The following GNB2 variants were observed in gnomAD, a reference collection of about 807,000 sequenced individuals.
The protein encoded by GNB2 is G protein subunit beta 2.
Under a neutral mutation model 40.7 loss-of-function variants are expected in GNB2, and 7 were observed. The ratio of observed to expected loss-of-function variants is 0.17; its 90% confidence interval spans 0.10 to 0.32. The LOEUF (loss-of-function observed/expected upper bound fraction) is 0.32, where lower values mean the gene tolerates loss of function less well. GNB2 is among the 10% of genes least tolerant of loss of function. GNB2 has a pLI of 1.00. For synonymous variants in GNB2, 254 were observed against 191.2 expected (o/e 1.33, Z -2.71); for missense variants, 286 against 473.0 (o/e 0.60, Z 3.67).
In GNB2 at chr7:100,673,844, GC is replaced by G. The variant is rs1804294061; in HGVS notation, c.-167del. On this transcript the variant is annotated 5_prime_UTR_variant, in exon 1 of 10. Transcript: ENST00000303210. ...CGCCGCCGCCGCCGCCGCCGCCGCC[GC>G]CGCCGCCTCCGCCGCGGAGGAAGAC... is the stretch of plus-strand genomic sequence containing the variant. 5.3e-6 allele frequency: 1 copy of G among 190,292 alleles called. No homozygotes were observed. The highest frequency in any genetic ancestry group is 1.0e-5 in the Non-Finnish European group (1 of 97,514). The allele number at this position is 190,292 out of a possible 1,614,324, so 11.8% of individuals were successfully genotyped here. A position where few individuals can be genotyped will look rare whatever the true frequency, so the allele number is the denominator to read the frequency against.
rs1045989028 is a variant in GNB2 at position 100,677,218 on chromosome 7, A to G, written c.204-134A>G. The stretch of plus-strand genomic sequence containing the variant: ...CTTGAGCCTAGGAGTTCCAGGCTGC[A>G]GTGAGCTGTGATGGTGCCACTGCAC... On this transcript the variant is annotated intron_variant, in intron 4 of 9. Coordinates refer to ENST00000303210, the MANE Select transcript of GNB2 (RefSeq NM_005273.4). 4 of 682,252 alleles carry G rather than the reference A, an allele frequency of 5.9e-6. No homozygotes were observed. In the African/African-American group the frequency reaches 7.1e-5, roughly 12 times the overall value. 42.3% of individuals were successfully genotyped at this position (682,252 alleles called of 1,614,324 possible).
chr7:100,676,888 C>G, intron 4 of GNB2, 89 bp downstream of exon 4: 2 of 727,506 alleles, frequency 2.7e-6, no homozygotes, highest in Non-Finnish European at 2.3e-6. Context: ...AAGCAGGCCA[C>G]CAAAATACCC....
In GNB2 at chr7:100,678,092, C is replaced by T. The variant is rs1188332517; in HGVS notation, c.498-6C>T. 2 of 1,607,422 alleles carry T rather than the reference C, an allele frequency of 1.2e-6. No individual in the cohort carries two copies. Among genetic ancestry groups the T allele is most frequent in the African/African-American group, 1.3e-5 (1 of 74,920 alleles). On this transcript the variant is annotated splice_region_variant and splice_polypyrimidine_tract_variant and intron_variant, in intron 7 of 9. Coordinates refer to ENST00000303210, the MANE Select transcript of GNB2 (RefSeq NM_005273.4). ...TATCTTTTCTTTCTTCCTGTCACCTCTCCAGTGCCCTGTGGGACATTGAGA... is the reference window on the plus strand; with the variant it reads ...TATCTTTTCTTTCTTCCTGTCACCTTTCCAGTGCCCTGTGGGACATTGAGA...
chr7:100,676,296 G>A lies in GNB2; in HGVS notation c.31G>A (p.Ala11Thr). Reference protein sequence around the residue: MSELEQLRQEAEQLRNQIRDA... With the variant: MSELEQLRQETEQLRNQIRDA... Reference sequence around the variant, plus strand: ...TGAGCTGGAGCAACTGAGACAGGAGGCCGAGCAGCTCCGGAACCAGATCCG... The same window carrying A: ...TGAGCTGGAGCAACTGAGACAGGAGACCGAGCAGCTCCGGAACCAGATCCG... The change falls in exon 2 of 10, where the codon GCC (alanine) becomes ACC (threonine). Residue 11 changes from alanine (A) to threonine (T), a missense_variant. Coordinates refer to ENST00000303210, the MANE Select transcript of GNB2 (RefSeq NM_005273.4). 6.2e-7 allele frequency: 1 copy of A among 1,608,462 alleles called. No individual in the cohort carries two copies. The highest frequency in any genetic ancestry group is 1.3e-5 in the African/African-American group (1 of 74,988).
In GNB2 at chr7:100,673,800, T is replaced by G. The variant is rs1461112621; in HGVS notation, c.-213T>G. The stretch of plus-strand genomic sequence containing the variant: ...GCGCTGGCGGCGGGGCTGGGGCCAC[T>G]GAGGAAATCCATCCGCGCCGCCGCC... On this transcript the variant is annotated 5_prime_UTR_variant, in exon 1 of 10. Transcript: ENST00000303210. 5.6e-6 allele frequency: 1 copy of G among 180,012 alleles called. No homozygotes were observed. Among genetic ancestry groups the G allele is most frequent in the African/African-American group, 2.5e-5 (1 of 39,876 alleles). The allele number at this position is 180,012 out of a possible 1,614,324, so 11.2% of individuals were successfully genotyped here.
rs1266523553 is a variant in GNB2, at chr7:100,678,943, G to T, written c.*142G>T. 4 of 653,350 alleles carry T rather than the reference G, an allele frequency of 6.1e-6. No individual in the cohort carries two copies. The highest frequency in any genetic ancestry group is 5.5e-5 in the African/African-American group (3 of 54,798). 40.5% of individuals were successfully genotyped at this position (653,350 alleles called of 1,614,324 possible). A position where few individuals can be genotyped will look rare whatever the true frequency, so the allele number is the denominator to read the frequency against. ...GTCCCTGCCCTCCCACCCAGGTTTG[G>T]TTCCTCCCGGGGCCCCCACTGTGGA... On this transcript the variant is annotated 3_prime_UTR_variant, in exon 10 of 10. Transcript: ENST00000303210.
intron 1 of GNB2, chr7:100,675,962 C>A: frequency 2.4e-6 from 1 of 412,832 alleles, no homozygotes. Context: ...CTTGCACTTC[C>A]CGCTCCGTTT....
rs377403123 is a variant in GNB2 at position 100,678,688 on chromosome 7, T to C, written c.917-7T>C. The C allele has an allele frequency of 3.7e-6, 6 of 1,612,388 alleles. No individual in the cohort carries two copies. In the African/African-American group the frequency reaches 6.7e-5, roughly 18 times the overall value. ...CCAATGGGTTCTGACTTCTCTCTTCTTCACAGGAGTCCTCGCTGGCCACGA... is the reference window on the plus strand; with the variant it reads ...CCAATGGGTTCTGACTTCTCTCTTCCTCACAGGAGTCCTCGCTGGCCACGA... On this transcript the variant is annotated splice_polypyrimidine_tract_variant and splice_region_variant and intron_variant, in intron 9 of 9. Coordinates refer to ENST00000303210, the MANE Select transcript of GNB2 (RefSeq NM_005273.4).
Position 100,676,697 on chromosome 7 carries a change from C to A in GNB2, c.101C>A (p.Thr34Lys). The A allele has an allele frequency of 6.2e-7, 1 of 1,609,210 alleles. No individual in the cohort carries two copies. Among genetic ancestry groups the A allele is most frequent in the Non-Finnish European group, 8.5e-7 (1 of 1,175,948 alleles). Reference protein sequence around the residue: ...ACGDSTLTQITAGLDPVGRIQ... With the variant: ...ACGDSTLTQIKAGLDPVGRIQ... ...GCATTCTGTCTCTACCTCCAGATCA[C>A]AGCTGGGCTGGACCCAGTGGGGAGA... Residue 34 changes from threonine (T) to lysine (K), a missense_variant, in exon 4 of 10, where the codon ACA becomes AAA. Transcript: ENST00000303210.
chr7:100,676,728 G>A lies in GNB2; in HGVS notation c.132G>A (p.Gln44=), dbSNP rs1480738324. 10 of 1,611,520 alleles carry A rather than the reference G, an allele frequency of 6.2e-6. No individual in the cohort carries two copies. The highest frequency in any genetic ancestry group is 7.6e-6 in the Non-Finnish European group (9 of 1,178,916). The change falls in exon 4 of 10, where the codon CAG becomes CAA. Residue 44 remains glutamine (Q), a synonymous_variant. Transcript: ENST00000303210. ...TAGLDPVGRI[Q]MRTRRTLRGH... ...GGCTGGACCCAGTGGGGAGAATCCA[G>A]ATGAGGACCCGGAGGACCCTCCGTG... is the stretch of plus-strand genomic sequence containing the variant.
chr7:100,675,968 C>G, intron 1 of GNB2: 1 of 421,838 alleles, frequency 2.4e-6, no homozygotes, highest in Non-Finnish European at 4.2e-6. Context: ...CTTCCCGCTC[C>G]GTTTCCGGGG....
chr7:100,677,639 C>T lies in GNB2; in HGVS notation c.409C>T (p.Arg137Trp), dbSNP rs1401264432. 5 of 1,613,314 alleles carry T rather than the reference C, an allele frequency of 3.1e-6. No individual in the cohort carries two copies. The highest frequency in any genetic ancestry group is 4.2e-6 in the Non-Finnish European group (5 of 1,180,006). ...KTREGNVRVS[R>W]ELPGHTGYLS... ...CCGCGAGGGCAACGTCAGGGTCAGC[C>T]GGGAGCTGCCTGGCCACACTGGTGA... The change falls in exon 6 of 10, where the codon CGG (arginine) becomes TGG (tryptophan). Residue 137 changes from arginine to tryptophan, a missense_variant. Coordinates refer to ENST00000303210, the MANE Select transcript of GNB2 (RefSeq NM_005273.4).
chr7:100,676,906 G>C, intron 4 of GNB2, 107 bp downstream of exon 4: 1 of 670,812 alleles, frequency 1.5e-6, no homozygotes, highest in South Asian at 1.8e-5. Context: ...CCCAGCGTAC[G>C]TCTGGAAAAA....
chr7:100,676,081 T>C, intron 1 of GNB2, 96 bp from the exon 2 acceptor site: 2 of 480,812 alleles, frequency 4.2e-6, no homozygotes, highest in South Asian at 3.0e-5. Context: ...CCCTTCCCCC[T>C]CCCCTTGCTT....
chr7:100,676,611 G>GA, intron 3 of GNB2, 38 bp downstream of exon 3: 1 of 1,584,560 alleles, frequency 6.3e-7, no homozygotes, highest in Non-Finnish European at 8.7e-7. Context: ...ACTAGGGGTT[G>GA]AAGGGGCAAG....
chr7:100,676,896 C>A, intron 4 of GNB2, 97 bp downstream of exon 4: 1 of 698,370 alleles, frequency 1.4e-6, no homozygotes, highest in Non-Finnish European at 2.5e-6. Context: ...CACCAAAATA[C>A]CCAGCGTACG....
In GNB2 at chr7:100,676,738, C is replaced by T. The variant is rs1446170671; in HGVS notation, c.142C>T (p.Arg48Trp). The part of the protein sequence containing the change: ...DPVGRIQMRT[R>W]RTLRGHLAKI... Reference sequence around the variant, plus strand: ...AGTGGGGAGAATCCAGATGAGGACCCGGAGGACCCTCCGTGGGCACCTGGC... The same window carrying T: ...AGTGGGGAGAATCCAGATGAGGACCTGGAGGACCCTCCGTGGGCACCTGGC... The change falls in exon 4 of 10, where the codon CGG becomes TGG. Residue 48 changes from arginine (R) to tryptophan (W), a missense_variant. Arg to Trp is a moderately radical substitution (Grantham distance 101, BLOSUM62 -3). Transcript: ENST00000303210. 2 of 1,609,826 alleles carry T rather than the reference C, an allele frequency of 1.2e-6. No individual in the cohort carries two copies. The highest frequency in any genetic ancestry group is 1.7e-6 in the Non-Finnish European group (2 of 1,178,182).
At position 100,673,896 on chromosome 7, in the gene GNB2, C is replaced by G. The variant is rs1011348022; in HGVS notation, c.-117C>G. ...AGCGCCGCCCGCGCACCGCCAGCGA[C>G]CTCCGCCGCAGAGTCCCACCGCCAC... is the stretch of plus-strand genomic sequence containing the variant. On this transcript the variant is annotated 5_prime_UTR_variant, in exon 1 of 10. Transcript: ENST00000303210. 2.0e-4 allele frequency: 36 copies of G among 179,994 alleles called. No individual in the cohort carries two copies. The East Asian group carries it at 4.0e-3, about 20-fold the overall frequency. 11.1% of individuals were successfully genotyped at this position (179,994 alleles called of 1,614,324 possible).
chr7:100,677,702 G>C (rs749349431), intron 6 of GNB2, 42 bp downstream of exon 6: 1 of 1,612,734 alleles, frequency 6.2e-7, no homozygotes, highest in South Asian at 1.1e-5. Context: ...TGGGGTTGGG[G>C]GGTGCACTGC....
Sources: allele counts gnomAD v4.1 joint callset, GRCh38; gene constraint gnomAD v4.1.1; transcripts MANE v1.5; gene names NCBI Gene and HGNC (gene_info 2026-07-23, HGNC 2026-07-21).